The following MVB12A variants were observed in gnomAD, a reference collection of about 807,000 sequenced individuals.
The protein encoded by MVB12A is multivesicular body subunit 12A, also known as CIN85/CD2AP family binding protein.
Under a neutral mutation model 34.3 loss-of-function variants are expected in MVB12A, and 30 were observed. That is an observed-to-expected ratio of 0.88 (90% CI 0.65 to 1.19). The LOEUF is 1.19. Among genes scored for constraint, MVB12A ranks in the 50% most tolerant of loss-of-function variants. MVB12A has a pLI of 0.00. For synonymous variants in MVB12A, 158 were observed against 158.9 expected, an observed-to-expected ratio of 0.99 and a Z score of 0.04; for missense variants, 355 against 369.2, an observed-to-expected ratio of 0.96 and a Z score of 0.31.
At chr19:17,414,652 T>G (rs2145755416) in intron 2 of MVB12A, 1 of 152,400 alleles carries the variant, frequency 6.6e-6, no homozygotes, top group Middle Eastern at 3.4e-3. Flanking sequence ...GCGGATCACT[T>G]GAGGTCAGGA....
Position 17,425,058 on chromosome 19 carries a change from C to A in MVB12A, c.*65C>A, listed in dbSNP as rs560164872. On this transcript the variant is annotated 3_prime_UTR_variant, in exon 9 of 9. Transcript: ENST00000317040. ...TCCCCGCCAGCCTGGGGCCACCCCC[C>A]CTCACTGCATCCTGGGGCCACCCCC... 1.2e-4 allele frequency: 98 copies of A among 808,158 alleles called. 1 individual carries two copies. Among genetic ancestry groups the A allele is most frequent in the Non-Finnish European group, 1.8e-4 (86 of 487,990 alleles). 50.1% of individuals were successfully genotyped at this position (808,158 alleles called of 1,614,324 possible).
chr19:17,411,891 G>T (rs1407749393), intron 2 of MVB12A, among the ~76,000 whole-genome samples: 1 of 152,220 alleles, frequency 6.6e-6, no homozygotes, highest in Non-Finnish European at 1.5e-5. Context: ...CTTACTTTGG[G>T]ATACTGAGAT....
At chr19:17,416,026 G>A (rs969919939), upstream of MVB12A, among the ~76,000 whole-genome samples, 6 of 152,170 alleles carry the variant, frequency 3.9e-5, no homozygotes, top group African/African-American at 1.4e-4. Context: ...CTACTGGGTC[G>A]AGCTAACTTT....
At chr19:17,411,685 G>A (rs758106419) in intron 2 of MVB12A, among the ~76,000 whole-genome samples, 24 of 151,344 alleles carry the variant, frequency 1.6e-4, no homozygotes, top group Non-Finnish European at 3.4e-4. Flanking sequence ...TTGTAGAGAC[G>A]GGATCTCTGT....
At chr19:17,417,166 A>G, upstream of MVB12A, 1 of 217,470 alleles carries the variant, frequency 4.6e-6, no homozygotes, top group East Asian at 1.0e-4. Context: ...TAGTGACGTC[A>G]ACCTGCTTTT....
chr19:17,421,754 C>A (rs1228357464), intron 3 of MVB12A, among the ~76,000 whole-genome samples: 7 of 151,790 alleles, frequency 4.6e-5, no homozygotes, highest in African/African-American at 1.2e-4. Context: ...CCAGCCTGGC[C>A]AACATGGTGA....
chr19:17,413,511 A>G (rs775592761), intron 2 of MVB12A: 2 of 152,234 alleles, frequency 1.3e-5, no homozygotes, highest in Admixed American at 6.6e-5. Flanking sequence ...TATTTTTAGT[A>G]GAGACCGGGT....
chr19:17,416,399 C>T (rs541283189), upstream of MVB12A, among the ~76,000 whole-genome samples: 6 of 148,274 alleles, frequency 4.0e-5, no homozygotes, highest in African/African-American at 1.2e-4. Flanking sequence ...CTTGAGCCAC[C>T]GTGCCCAGCC....
At chr19:17,420,015 G>GCTGCC, upstream of MVB12A, 1 of 221,216 alleles carries the variant, frequency 4.5e-6, no homozygotes, top group East Asian at 8.1e-5. Flanking sequence ...GGCAATCTCC[G>GCTGCC]CCCCCCCCCC....
chr19:17,422,140 C>T (rs2074842138), intron 3 of MVB12A, 192 bp from the exon 4 acceptor site: 2 of 485,716 alleles, frequency 4.1e-6, no homozygotes, highest in Non-Finnish European at 7.3e-6. Context: ...CCAGCGGTTC[C>T]TAAAGGCTGC....
At position 17,420,303 on chromosome 19, in the gene MVB12A, C is replaced by T. The variant is rs760063336; in HGVS notation, c.91-10C>T. ...TGGGAGTCCGGCGCTGACCCGCGTC[C>T]TCCCGGTAGATCTCCTGCACCGTCG... On this transcript the variant is annotated splice_polypyrimidine_tract_variant and intron_variant, in intron 1 of 8. Coordinates refer to ENST00000317040, the MANE Select transcript of MVB12A (RefSeq NM_138401.4). The T allele has an allele frequency of 4.4e-6, 7 of 1,584,416 alleles. No homozygotes were observed. In the South Asian group the frequency reaches 7.9e-5, roughly 18 times the overall value.
intron 2 of MVB12A, among the ~76,000 whole-genome samples, chr19:17,406,922 CA>C (rs2074732676): frequency 6.6e-6 from 1 of 152,158 alleles, no homozygotes; most frequent in Non-Finnish European, 1.5e-5. Context: ...AGGGACCTAC[CA>C]GCCTGGCCAG....
At chr19:17,417,076 AC>A, upstream of MVB12A, 1 of 407,888 alleles carries the variant, frequency 2.5e-6, no homozygotes, top group Non-Finnish European at 4.9e-6. Context: ...CTTTAGCAGG[AC>A]CCTTTGCACC....
intron 2 of MVB12A, among the ~76,000 whole-genome samples, chr19:17,410,529 T>TATATATACACACACACACACACACAC: frequency 1.2e-4 from 9 of 74,428 alleles, no homozygotes; most frequent in South Asian, 1.1e-3. Flanking sequence ...TATATATATA[T>TATATATACACACACACACACACACAC]ACACACACAC....
At chr19:17,416,373 G>A (rs2074799663), upstream of MVB12A, among the ~76,000 whole-genome samples, 1 of 148,206 alleles carries the variant, frequency 6.7e-6, no homozygotes, top group African/African-American at 2.5e-5. Flanking sequence ...GCCTCCCAAA[G>A]TGCTGGGATT....
At chr19:17,423,974 C>T in intron 6 of MVB12A, 32 bp from the exon 7 acceptor site, 1 of 1,612,748 alleles carries the variant, frequency 6.2e-7, no homozygotes, top group Non-Finnish European at 8.5e-7. Context: ...GTTCCCTACA[C>T]CTCACCTCCT....
intron 2 of MVB12A, among the ~76,000 whole-genome samples, chr19:17,413,768 AG>A (rs1272575351): frequency 1.3e-5 from 2 of 152,360 alleles, no homozygotes; most frequent in African/African-American, 4.8e-5. Context: ...TGCCTTTGGA[AG>A]GTCCTCATAT....
At chr19:17,421,227 C>A (rs2074836888) in intron 3 of MVB12A, 8 of 377,426 alleles carry the variant, frequency 2.1e-5, no homozygotes, top group South Asian at 1.6e-4. Flanking sequence ...TCTTGTTGCC[C>A]AGGCTGGAGT....
chr19:17,407,655 A>G (rs1418950556), intron 2 of MVB12A, among the ~76,000 whole-genome samples: 4 of 152,190 alleles, frequency 2.6e-5, no homozygotes, highest in African/African-American at 7.2e-5. Context: ...CCAGGTGTAC[A>G]GGATGGAACA....
Sources: allele counts gnomAD v4.1 joint callset (sites outside exome capture counted in the v4.1 genomes callset), GRCh38; gene constraint gnomAD v4.1.1; transcripts MANE v1.5; gene names NCBI Gene and HGNC (gene_info 2026-07-23, HGNC 2026-07-21).